PAX5: variants seen among roughly 807,000 people sequenced by gnomAD.
PAX5 encodes the protein paired box protein Pax-5.
In PAX5, 9 loss-of-function variants were observed where a neutral mutation model predicts 43.7. The ratio of observed to expected loss-of-function variants is 0.21; its 90% CI spans 0.12 to 0.36. The LOEUF (loss-of-function observed/expected upper bound fraction) is 0.36. Ranked by LOEUF, PAX5 falls within the 10% of genes least tolerant of loss-of-function variation. The pLI, the probability that PAX5 is intolerant of heterozygous loss-of-function variation, is 1.00. For missense variants in PAX5, 383 were observed against 532.7 expected (o/e 0.72, Z 2.77); for synonymous variants, 228 against 214.3 (o/e 1.06, Z -0.56).
intron 8 of PAX5, among the ~76,000 whole-genome samples, chr9:36,874,262 C>T (rs114824729): frequency 2.0e-5 from 3 of 152,302 alleles, no homozygotes; most frequent in African/African-American, 7.2e-5. Context: ...CACATTCTTG[C>T]CAAAGCACCC....
chr9:36,877,604 C>T (rs990128910), intron 8 of PAX5, among the ~76,000 whole-genome samples: 6 of 152,286 alleles, frequency 3.9e-5, no homozygotes, highest in African/African-American at 1.4e-4. Context: ...AACAGGCCCT[C>T]GGGGTCAATG....
intron 5 of PAX5, among the ~76,000 whole-genome samples, chr9:36,966,928 G>A (rs576189693): frequency 6.6e-6 from 1 of 152,306 alleles, no homozygotes; most frequent in Admixed American, 6.5e-5. Flanking sequence ...GCAGCCATGT[G>A]CCAGGGACTG....
At chr9:36,985,939 C>G (rs939972121) in intron 5 of PAX5, among the ~76,000 whole-genome samples, 11 of 152,268 alleles carry the variant, frequency 7.2e-5, no homozygotes, top group African/African-American at 2.6e-4. Context: ...GCAGTCGCAC[C>G]CAGGAGGACC....
At chr9:36,897,212 G>A (rs1473117134) in intron 7 of PAX5, among the ~76,000 whole-genome samples, 4 of 152,222 alleles carry the variant, frequency 2.6e-5, no homozygotes, top group Non-Finnish European at 4.4e-5. Flanking sequence ...TGAGGGCTGT[G>A]GGCCCAGAGG....
chr9:36,866,110 A>G (rs1388359858), intron 8 of PAX5, among the ~76,000 whole-genome samples: 1 of 152,204 alleles, frequency 6.6e-6, no homozygotes, highest in East Asian at 1.9e-4. Flanking sequence ...TAAATCATCA[A>G]TTATGGAGGA....
intron 5 of PAX5, among the ~76,000 whole-genome samples, chr9:36,972,178 C>A (rs1464699345): frequency 6.6e-6 from 1 of 152,236 alleles, no homozygotes. Context: ...CAGCCTCCAG[C>A]CTTTCTCAGA....
At chr9:36,843,408 G>A (rs1406996465) in intron 9 of PAX5, among the ~76,000 whole-genome samples, 5 of 152,314 alleles carry the variant, frequency 3.3e-5, no homozygotes, top group South Asian at 2.1e-4. Context: ...CTTCAGGAAG[G>A]TGGGATCACT....
At chr9:36,956,938 A>C (rs1833531572) in intron 6 of PAX5, among the ~76,000 whole-genome samples, 1 of 152,206 alleles carries the variant, frequency 6.6e-6, no homozygotes, top group African/African-American at 2.4e-5. Flanking sequence ...GTCCAAGTTA[A>C]ATCTTAAGCA....
chr9:36,987,633 G>T (rs989268293), intron 5 of PAX5, among the ~76,000 whole-genome samples: 3 of 152,206 alleles, frequency 2.0e-5, no homozygotes, highest in Admixed American at 6.5e-5. Flanking sequence ...CACAGGCTCT[G>T]CTCGTTCCCT....
chr9:36,930,918 G>T (rs1296514123), intron 6 of PAX5: 3 of 1,148,114 alleles, frequency 2.6e-6, no homozygotes, highest in African/African-American at 3.2e-5. Context: ...GCTGCACCAA[G>T]TATTGTCTCA....
intron 7 of PAX5, among the ~76,000 whole-genome samples, chr9:36,907,863 G>A (rs1471646687): frequency 1.3e-5 from 2 of 152,158 alleles, no homozygotes; most frequent in East Asian, 1.9e-4. Context: ...CTGAGGAGAC[G>A]TGGGGACAGA....
intron 3 of PAX5, 56 bp downstream of exon 3, chr9:37,014,941 C>A: frequency 6.7e-7 from 1 of 1,503,038 alleles, no homozygotes; most frequent in Non-Finnish European, 9.2e-7. Context: ...GCAGAGCCTC[C>A]AGGATGCCCT....
intron 6 of PAX5, among the ~76,000 whole-genome samples, chr9:36,955,373 T>G (rs10114598): frequency 0.72 from 109,975 of 151,880 alleles, 40,240 homozygotes; most frequent in South Asian, 0.83. Flanking sequence ...GGCATCTCAG[T>G]GATTTCACTA....
Position 36,943,529 on chromosome 9 carries a change from TACAC to T in PAX5, c.781-20049_781-20046del, listed in dbSNP as rs1554668821. 1.9e-3 allele frequency among the ~76,000 whole-genome samples: 274 copies of T among 146,002 alleles called. 1 individual carries two copies. Among genetic ancestry groups the T allele is most frequent in the African/African-American group, 5.5e-3 (217 of 39,658 alleles). The stretch of plus-strand genomic sequence containing the variant: ...TGAGTATTTGTGGATTAGTTCAACA[TACAC>T]ACACACACACACACACACACACACA... On this transcript the variant is annotated intron_variant, in intron 6 of 9. Transcript: ENST00000358127.
Position 37,014,989 on chromosome 9 carries a change from C to A in PAX5, c.410+8G>T, listed in dbSNP as rs773063521. Reference sequence around the variant, plus strand: ...AATCCCCAACCCCCACAGGCACGAGCCCCTCACCTGTTGATGGAACTGACG... The same window carrying A: ...AATCCCCAACCCCCACAGGCACGAGACCCTCACCTGTTGATGGAACTGACG... On this transcript the variant is annotated splice_region_variant and intron_variant, in intron 3 of 9. Transcript: ENST00000358127. 1 of 1,611,840 alleles carries A rather than the reference C, an allele frequency of 6.2e-7. No individual in the cohort carries two copies. Among genetic ancestry groups the A allele is most frequent in the African/African-American group, 1.3e-5 (1 of 75,014 alleles).
rs1335714988 is a variant in PAX5, at chr9:36,838,369, CAG to C, written c.*2189_*2190del. 8.6e-6 allele frequency: 2 copies of C among 232,692 alleles called. No individual in the cohort carries two copies. Among genetic ancestry groups the C allele is most frequent in the African/African-American group, 4.4e-5 (2 of 45,318 alleles). The allele number at this position is 232,692 out of a possible 1,614,324, so 14.4% of individuals were successfully genotyped here. A position where few individuals can be genotyped will look rare whatever the true frequency, so the allele number is the denominator to read the frequency against. On this transcript the variant is annotated 3_prime_UTR_variant, in exon 10 of 10. Coordinates refer to ENST00000358127, the MANE Select transcript of PAX5 (RefSeq NM_016734.3). ...AGGAGATGTGGATAGACCAGGGTGA[CAG>C]GGAACACCATGGGTTGGGGGTCAGG...
intron 7 of PAX5, among the ~76,000 whole-genome samples, chr9:36,887,110 A>T (rs765655120): frequency 3.9e-5 from 6 of 152,220 alleles, no homozygotes; most frequent in Non-Finnish European, 8.8e-5. Context: ...AGGGACTTCA[A>T]TTCAGATCTC....
intron 5 of PAX5, among the ~76,000 whole-genome samples, chr9:36,993,731 C>A (rs186624230): frequency 4.0e-5 from 6 of 151,040 alleles, no homozygotes; most frequent in African/African-American, 1.2e-4. Context: ...GGCCATTTCA[C>A]CTCAAGTTCC....
intron 7 of PAX5, among the ~76,000 whole-genome samples, chr9:36,897,980 C>G (rs28465684): frequency 0.023 from 3,520 of 152,282 alleles, 145 homozygotes; most frequent in African/African-American, 0.081. Context: ...GAATTTGACT[C>G]TAACTTTTTC....
Sources: gnomAD v4.1 joint callset for allele counts (sites outside exome capture counted in the v4.1 genomes callset) on GRCh38, gnomAD v4.1.1 for gene constraint, MANE v1.5 for transcripts, NCBI Gene and HGNC (gene_info 2026-07-23, HGNC 2026-07-21) for gene names.